Variants in PPM1L observed in about 807,000 individuals in gnomAD.
PPM1L encodes protein phosphatase, Mg2+/Mn2+ dependent 1L, also known as protein phosphatase 1L.
In PPM1L, 13 loss-of-function variants were observed where a neutral mutation model predicts 31.4. That is an observed-to-expected ratio of 0.41 (90% CI 0.27 to 0.66). The LOEUF (loss-of-function observed/expected upper bound fraction) is 0.66. Among genes scored for constraint, PPM1L ranks in the 30% least tolerant of loss-of-function variants. The pLI, the probability that PPM1L is intolerant of heterozygous loss-of-function variation, is 0.29. For missense variants in PPM1L, 326 were observed against 453.7 expected, an observed-to-expected ratio of 0.72 and a Z score of 2.56; for synonymous variants, 184 against 175.4, an observed-to-expected ratio of 1.05 and a Z score of -0.39.
chr3:160,957,838 A>G (rs1715829416), intron 1 of PPM1L, among the ~76,000 whole-genome samples: 2 of 152,036 alleles, frequency 1.3e-5, no homozygotes, highest in African/African-American at 2.4e-5. Flanking sequence ...AGCCTCCTAA[A>G]GTGCTGGGAT....
Position 160,788,445 on chromosome 3 carries a change from T to C in PPM1L, c.399+31738T>C, listed in dbSNP as rs144162474. ...TTTGCCCATTTTCCTATTGCATTGT[T>C]CTTTTTCTGATGAAGTGTAAGAGTT... is the stretch of plus-strand genomic sequence containing the variant. On this transcript the variant is annotated intron_variant, in intron 1 of 3. Transcript: ENST00000498165. Among the ~76,000 whole-genome samples the C allele has an allele frequency of 2.7e-3, 415 of 152,218 alleles. 4 individuals carry two copies. The highest frequency in any genetic ancestry group is 0.01 in the Middle Eastern group (3 of 294).
chr3:160,951,415 G>T (rs1210183110), intron 1 of PPM1L, among the ~76,000 whole-genome samples: 9 of 152,132 alleles, frequency 5.9e-5, no homozygotes, highest in Non-Finnish European at 1.5e-5. Context: ...ATCCTTTAGA[G>T]TTTGAGGGTA....
At chr3:161,056,393 A>G (rs765891599) in intron 2 of PPM1L, among the ~76,000 whole-genome samples, 2 of 152,162 alleles carry the variant, frequency 1.3e-5, no homozygotes, top group Non-Finnish European at 2.9e-5. Context: ...TGTAAGTTCT[A>G]TATTTTGTTT....
chr3:160,942,955 C>CTTT (rs548109964), intron 1 of PPM1L, among the ~76,000 whole-genome samples: 1 of 146,626 alleles, frequency 6.8e-6, no homozygotes, highest in Non-Finnish European at 1.5e-5. Context: ...GAAGGATAGA[C>CTTT]TTTTTTTTTT....
chr3:161,035,150 G>A (rs1718708680), intron 2 of PPM1L, among the ~76,000 whole-genome samples: 1 of 151,072 alleles, frequency 6.6e-6, no homozygotes, highest in South Asian at 2.1e-4. Flanking sequence ...CACGGCACAT[G>A]TATACTTGTG....
intron 2 of PPM1L, among the ~76,000 whole-genome samples, chr3:161,028,895 C>T (rs1454201109): frequency 6.6e-6 from 1 of 152,134 alleles, no homozygotes; most frequent in Non-Finnish European, 1.5e-5. Context: ...TAGCAGTAAT[C>T]TTGATGAACT....
chr3:160,952,455 T>A (rs1160716790), intron 1 of PPM1L, among the ~76,000 whole-genome samples: 1 of 152,210 alleles, frequency 6.6e-6, no homozygotes, highest in Non-Finnish European at 1.5e-5. Flanking sequence ...AGGATTCCCA[T>A]GATAATCTCT....
At chr3:160,930,673 G>A (rs1009754791) in intron 1 of PPM1L, among the ~76,000 whole-genome samples, 2 of 152,122 alleles carry the variant, frequency 1.3e-5, no homozygotes, top group African/African-American at 2.4e-5. Context: ...AATTTTAGGC[G>A]GAGTGAAGGA....
In PPM1L at chr3:160,911,193, G is replaced by A. The variant is rs146114510; in HGVS notation, c.400-50543G>A. Among the ~76,000 whole-genome samples, 519 of 152,230 alleles carry A rather than the reference G, an allele frequency of 3.4e-3. 5 individuals carry two copies. The highest frequency in any genetic ancestry group is 0.012 in the African/African-American group (495 of 41,532). On this transcript the variant is annotated intron_variant, in intron 1 of 3. Coordinates refer to ENST00000498165, the MANE Select transcript of PPM1L (RefSeq NM_139245.4). ...TAGTCTCATCCTTTGGATCTCTTAC[G>A]TTTGGCAGAATATAAGTAAGAAATC...
At chr3:160,887,364 A>G (rs941974690) in intron 1 of PPM1L, among the ~76,000 whole-genome samples, 2 of 152,044 alleles carry the variant, frequency 1.3e-5, no homozygotes, top group East Asian at 1.9e-4. Context: ...AGAGAACACC[A>G]CTAAGATACT....
chr3:160,860,509 G>C (rs917804681), intron 1 of PPM1L, among the ~76,000 whole-genome samples: 1 of 152,132 alleles, frequency 6.6e-6, no homozygotes, highest in Non-Finnish European at 1.5e-5. Context: ...AGATGGTAAG[G>C]GACCCACGAT....
chr3:160,910,259 T>TTTCCCCTTCCCCTTTCCCC (rs1713919747), intron 1 of PPM1L, among the ~76,000 whole-genome samples: 1 of 50,050 alleles, frequency 2.0e-5, no homozygotes, highest in Non-Finnish European at 3.4e-5. Flanking sequence ...CCCCTTCCCC[T>TTTCCCCTTCCCCTTTCCCC]TTCCCCTTCC....
intron 1 of PPM1L, among the ~76,000 whole-genome samples, chr3:160,953,537 T>TC (rs1408722272): frequency 6.6e-6 from 1 of 152,248 alleles, no homozygotes; most frequent in Admixed American, 6.5e-5. Context: ...ACACTTTTTT[T>TC]CCCAGAGAAA....
Position 160,756,751 on chromosome 3 carries a change from T to TAGTGTGTGTG in PPM1L, c.399+44_399+45insAGTGTGTGTG, listed in dbSNP as rs1553803128. 11 of 1,181,408 alleles carry TAGTGTGTGTG rather than the reference T, an allele frequency of 9.3e-6. No homozygotes were observed. The highest frequency in any genetic ancestry group is 2.2e-5 in the Admixed American group (1 of 45,088). 73.2% of individuals were successfully genotyped at this position (1,181,408 alleles called of 1,614,324 possible). A position where few individuals can be genotyped will look rare whatever the true frequency, so the allele number is the denominator to read the frequency against. On this transcript the variant is annotated intron_variant, in intron 1 of 3. Coordinates refer to ENST00000498165, the MANE Select transcript of PPM1L (RefSeq NM_139245.4). This position sits in a 1 kb window ranked among gnomAD's most constrained non-coding sequence, Gnocchi z 6.2. ...CTTTGTATTTGTGTCCGTGTATGTC[T>TAGTGTGTGTG]CGTGTGTGTGTGTGTGTGTGTGTGT...
At chr3:160,761,056 T>C (rs1714956543) in intron 1 of PPM1L, among the ~76,000 whole-genome samples, 1 of 152,234 alleles carries the variant, frequency 6.6e-6, no homozygotes. Context: ...TCTTATTCTT[T>C]AGATCAGTGG....
At chr3:160,919,537 G>T (rs1714313933) in intron 1 of PPM1L, among the ~76,000 whole-genome samples, 1 of 152,180 alleles carries the variant, frequency 6.6e-6, no homozygotes, top group African/African-American at 2.4e-5. Context: ...GAGCGAGAGA[G>T]GACGTCTGTT....
chr3:160,945,105 C>CT (rs780045612), intron 1 of PPM1L, among the ~76,000 whole-genome samples: 572 of 50,278 alleles, frequency 0.011, 56 homozygotes, highest in Middle Eastern at 0.026. Context: ...TTATATATAA[C>CT]ATATATGTTA....
chr3:160,761,568 C>T (rs1167633912), intron 1 of PPM1L, among the ~76,000 whole-genome samples: 2 of 152,194 alleles, frequency 1.3e-5, no homozygotes, highest in African/African-American at 2.4e-5. Context: ...CCTGACCTAC[C>T]TCTAGCAAAT....
chr3:160,789,391 T>G (rs1036855429), intron 1 of PPM1L, among the ~76,000 whole-genome samples: 3 of 151,970 alleles, frequency 2.0e-5, no homozygotes, highest in African/African-American at 7.2e-5. Flanking sequence ...ATGCTGATAA[T>G]TTTGCCTCTC....
Sources: allele counts gnomAD v4.1 joint callset (sites outside exome capture counted in the v4.1 genomes callset), GRCh38; gene constraint gnomAD v4.1.1; non-coding constraint Gnocchi (gnomAD v3.1); transcripts MANE v1.5; gene names NCBI Gene and HGNC (gene_info 2026-07-23, HGNC 2026-07-21).